NRXN1: variants seen among roughly 807,000 people sequenced by gnomAD.
NRXN1 encodes neurexin-1.
NRXN1 carries 39 observed loss-of-function variants against 150.9 expected under a neutral mutation model. The observed-to-expected ratio is 0.26, with a 90% CI of 0.20 to 0.34. NRXN1 has a LOEUF of 0.34. NRXN1 is among the 10% of genes least tolerant of loss of function. The probability of loss-of-function intolerance (pLI) is 1.00; values close to 1 mark genes in which losing one functional copy is unlikely to be tolerated. For synonymous variants in NRXN1, 924 were observed against 757.0 expected, an observed-to-expected ratio of 1.22 and a Z score of -3.62; for missense variants, 1,815 against 1,949.9, an observed-to-expected ratio of 0.93 and a Z score of 1.30.
chr2:50,948,841 A>T (rs1690829535), intron 2 of NRXN1, among the ~76,000 whole-genome samples: 1 of 152,050 alleles, frequency 6.6e-6, no homozygotes, highest in African/African-American at 2.4e-5. Flanking sequence ...ATTTACAAGT[A>T]GGGACAATGA....
At position 50,919,805 on chromosome 2, in the gene NRXN1, T is replaced by C. The variant is rs149959618; in HGVS notation, c.832+2064A>G. On this transcript the variant is annotated intron_variant, in intron 5 of 22. Coordinates refer to ENST00000401669, the MANE Select transcript of NRXN1 (RefSeq NM_001330078.2). ...ATGGCACAAGGTGGGGATATTCACA[T>C]AAGACAGACTTGGATTGATGTTATG... 4.6e-4 allele frequency: 74 copies of C among 160,804 alleles called. 1 individual carries two copies. The East Asian group carries it at 0.014, about 31-fold the overall frequency. 10.0% of individuals were successfully genotyped at this position (160,804 alleles called of 1,614,324 possible).
At chr2:50,262,799 T>C (rs1361356140) in intron 17 of NRXN1, among the ~76,000 whole-genome samples, 1 of 151,990 alleles carries the variant, frequency 6.6e-6, no homozygotes, top group Non-Finnish European at 1.5e-5. Context: ...ATCGCCTCAA[T>C]GGTCCACAGA....
chr2:50,915,366 G>C (rs185749297), intron 5 of NRXN1, among the ~76,000 whole-genome samples: 1 of 151,480 alleles, frequency 6.6e-6, no homozygotes, highest in Non-Finnish European at 1.5e-5. Flanking sequence ...TCCAGTCCAT[G>C]AAAAAATGTC....
chr2:50,414,812 C>CA (rs2083425792), intron 17 of NRXN1, among the ~76,000 whole-genome samples: 1 of 151,960 alleles, frequency 6.6e-6, no homozygotes, highest in Non-Finnish European at 1.5e-5. Context: ...TCAATTTTGT[C>CA]ATATGAACGT....
intron 18 of NRXN1, among the ~76,000 whole-genome samples, chr2:50,219,961 TATTATA>T (rs1559115666): frequency 2.2e-4 from 16 of 73,170 alleles, no homozygotes; most frequent in African/African-American, 1.0e-3. Flanking sequence ...ATAATATATA[TATTATA>T]TATATATAAT....
intron 8 of NRXN1, chr2:50,588,841 A>G (rs1656515392): frequency 6.6e-6 from 1 of 152,134 alleles, no homozygotes; most frequent in Non-Finnish European, 1.5e-5. Context: ...CGCCAGTGGA[A>G]ATGGCGATAA....
Position 50,428,716 on chromosome 2 carries a change from A to G in NRXN1, c.3364+36726T>C, listed in dbSNP as rs141484549. Among the ~76,000 whole-genome samples, 4 of 152,316 alleles carry G rather than the reference A, an allele frequency of 2.6e-5. No individual in the cohort carries two copies. The East Asian group carries it at 5.8e-4, about 22-fold the overall frequency. On this transcript the variant is annotated intron_variant, in intron 17 of 22. Transcript: ENST00000401669. The stretch of plus-strand genomic sequence containing the variant: ...ACATTTATTAGCTCTGGGCCTTTAG[A>G]AAAACAACAGATAACGATAGACCTT...
intron 5 of NRXN1, among the ~76,000 whole-genome samples, chr2:50,816,147 CTTAATG>C (rs1454400481): frequency 1.3e-5 from 2 of 152,006 alleles, no homozygotes; most frequent in East Asian, 3.9e-4. Flanking sequence ...ATGGTTTTCT[CTTAATG>C]TTAAATTGTC....
At chr2:50,211,017 A>T (rs2062975652) in intron 18 of NRXN1, among the ~76,000 whole-genome samples, 1 of 151,742 alleles carries the variant, frequency 6.6e-6, no homozygotes, top group African/African-American at 2.4e-5. Flanking sequence ...AAGTTCTATT[A>T]AAGAGAAAGC....
intron 2 of NRXN1, among the ~76,000 whole-genome samples, chr2:50,945,635 C>T (rs754024676): frequency 6.6e-6 from 1 of 151,648 alleles, no homozygotes; most frequent in Non-Finnish European, 1.5e-5. Flanking sequence ...GTTTGCTCAT[C>T]CCTGACCTAG....
chr2:50,290,287 G>A (rs551670240), intron 17 of NRXN1, among the ~76,000 whole-genome samples: 6 of 152,250 alleles, frequency 3.9e-5, no homozygotes, highest in Admixed American at 2.0e-4. Flanking sequence ...GCCTGAAATT[G>A]AAGAAGCTCT....
At chr2:50,715,713 A>G (rs751840979) in intron 5 of NRXN1, among the ~76,000 whole-genome samples, 6 of 152,060 alleles carry the variant, frequency 3.9e-5, no homozygotes, top group Non-Finnish European at 7.4e-5. Context: ...CTCTCTTCCT[A>G]TATCTACATG....
At chr2:50,551,463 AG>A (rs1447957028) in intron 9 of NRXN1, 1 of 152,276 alleles carries the variant, frequency 6.6e-6, no homozygotes, top group African/African-American at 2.4e-5. Context: ...GTACTGAGGG[AG>A]CCCATGCAAG....
chr2:50,490,742 G>C (rs1190909998), intron 15 of NRXN1, among the ~76,000 whole-genome samples: 1 of 152,138 alleles, frequency 6.6e-6, no homozygotes, highest in Non-Finnish European at 1.5e-5. Flanking sequence ...CAATGGATTA[G>C]GGAGCAGTGA....
At chr2:50,629,481 T>C (rs947076238) in intron 5 of NRXN1, among the ~76,000 whole-genome samples, 1 of 151,618 alleles carries the variant, frequency 6.6e-6, no homozygotes, top group African/African-American at 2.4e-5. Context: ...GGAGAGGGGA[T>C]AGTAGTGAGG....
At chr2:50,860,192 G>T (rs112209959) in intron 5 of NRXN1, among the ~76,000 whole-genome samples, 1 of 151,742 alleles carries the variant, frequency 6.6e-6, no homozygotes, top group Non-Finnish European at 1.5e-5. Flanking sequence ...TCAGCCTTGT[G>T]CCAGTTGCTT....
chr2:50,620,988 G>A (rs904780567), intron 7 of NRXN1: 23 of 447,250 alleles, frequency 5.1e-5, no homozygotes, highest in Admixed American at 4.5e-4. Flanking sequence ...CAAAACGTTC[G>A]AAACGTTAAC....
chr2:50,141,297 C>A (rs945146893), intron 18 of NRXN1, among the ~76,000 whole-genome samples: 4 of 151,966 alleles, frequency 2.6e-5, no homozygotes, highest in African/African-American at 9.6e-5. Context: ...TCATCATATA[C>A]AAAATTCAAC....
In NRXN1 at chr2:50,552,847, T is replaced by G; in HGVS notation, c.1499A>C (p.Lys500Thr). 2 of 1,613,978 alleles carry G rather than the reference T, an allele frequency of 1.2e-6. No individual in the cohort carries two copies. The highest frequency in any genetic ancestry group is 1.7e-6 in the Non-Finnish European group (2 of 1,179,846). ...GAAATCAAATGATATGGAGCCAGTTTTCTTTGCATTCCATTTAGGCAAAGA... is the reference window on the plus strand; with the variant it reads ...GAAATCAAATGATATGGAGCCAGTTGTCTTTGCATTCCATTTAGGCAAAGA... ...FISLPKWNAK[K>T]TGSISFDFRT... Residue 500 changes from lysine to threonine, a missense_variant, in exon 9 of 23, where the codon AAA (lysine) becomes ACA (threonine). This residue lies in a region of NRXN1 where 638 missense variants were observed against 652.6 expected (regional missense o/e 0.98). Coordinates refer to ENST00000401669, the MANE Select transcript of NRXN1 (RefSeq NM_001330078.2).
Sources: allele counts gnomAD v4.1 joint callset (sites outside exome capture counted in the v4.1 genomes callset), GRCh38; gene constraint gnomAD v4.1.1; regional missense constraint gnomAD v4.1.1; transcripts MANE v1.5; gene names NCBI Gene and HGNC (gene_info 2026-07-23, HGNC 2026-07-21).